Variants in FILIP1L observed in about 807,000 individuals in gnomAD.
The protein encoded by FILIP1L is filamin A-interacting protein 1-like.
Under a neutral mutation model 96.6 loss-of-function variants are expected in FILIP1L, and 55 were observed. The observed-to-expected ratio is 0.57, with a 90% CI of 0.46 to 0.71. The LOEUF (loss-of-function observed/expected upper bound fraction) is 0.71. FILIP1L is among the 30% of genes least tolerant of loss of function. The pLI is 0.00. For synonymous variants in FILIP1L, 467 were observed against 473.9 expected (o/e 0.99, Z 0.19); for missense variants, 1,304 against 1,321.2 (o/e 0.99, Z 0.20).
chr3:99,874,965 A>G (rs1326416471), intron 4 of FILIP1L, among the ~76,000 whole-genome samples: 1 of 152,214 alleles, frequency 6.6e-6, no homozygotes, highest in East Asian at 1.9e-4. Context: ...GAGTAAATAT[A>G]AATGGCAGCC....
chr3:99,971,339 A>AC (rs989122242), intron 1 of FILIP1L, among the ~76,000 whole-genome samples: 27 of 151,878 alleles, frequency 1.8e-4, no homozygotes, highest in African/African-American at 6.3e-4. Context: ...ATCTCAAAAA[A>AC]AAAAAAAAAA....
chr3:99,846,630 A>G (rs1477373443), intron 5 of FILIP1L, among the ~76,000 whole-genome samples: 1 of 152,216 alleles, frequency 6.6e-6, no homozygotes, highest in East Asian at 1.9e-4. Flanking sequence ...ATCCAAATTT[A>G]TTTAATGATG....
chr3:99,893,907 A>G (rs562376816), intron 4 of FILIP1L, among the ~76,000 whole-genome samples: 7 of 152,272 alleles, frequency 4.6e-5, no homozygotes, highest in South Asian at 4.1e-4. Flanking sequence ...CAAATCCACA[A>G]ATATTTCTGT....
chr3:99,937,075 T>A (rs187988918), intron 1 of FILIP1L, among the ~76,000 whole-genome samples: 1 of 152,092 alleles, frequency 6.6e-6, no homozygotes, highest in Admixed American at 6.5e-5. Flanking sequence ...GTAGCTGGGA[T>A]TACAGGCGCC....
intron 1 of FILIP1L, among the ~76,000 whole-genome samples, chr3:100,070,435 TGAATA>T (rs2065741642): frequency 8.9e-6 from 1 of 112,718 alleles, no homozygotes; most frequent in Non-Finnish European, 2.0e-5. Flanking sequence ...ACTTAGGACT[TGAATA>T]TTAAATAATG....
At chr3:99,956,641 C>A (rs1708328321) in intron 1 of FILIP1L, among the ~76,000 whole-genome samples, 1 of 152,242 alleles carries the variant, frequency 6.6e-6, no homozygotes, top group Non-Finnish European at 1.5e-5. Flanking sequence ...GCCCCCGCGC[C>A]CAGCCACCTC....
At chr3:100,112,446 A>G (rs1435976367) in intron 1 of FILIP1L, among the ~76,000 whole-genome samples, 1 of 152,224 alleles carries the variant, frequency 6.6e-6, no homozygotes, top group Non-Finnish European at 1.5e-5. Context: ...ACAATAAAAT[A>G]TCTTCATTTC....
intron 1 of FILIP1L, among the ~76,000 whole-genome samples, chr3:99,963,586 A>G (rs930949785): frequency 1.3e-5 from 2 of 152,114 alleles, no homozygotes; most frequent in East Asian, 1.9e-4. Flanking sequence ...CTTTGCCTTG[A>G]TGGTGTTACC....
chr3:100,021,960 T>TGAGAGAGA (rs61630053), intron 1 of FILIP1L, among the ~76,000 whole-genome samples: 139 of 93,302 alleles, frequency 1.5e-3, no homozygotes, highest in African/African-American at 2.9e-3. Context: ...TGTGTGTGTG[T>TGAGAGAGA]GAGAGAGAGA....
At chr3:99,907,106 A>G (rs181399886) in intron 4 of FILIP1L, among the ~76,000 whole-genome samples, 1 of 152,362 alleles carries the variant, frequency 6.6e-6, no homozygotes. Context: ...CAACAAATAC[A>G]CAGAGTTGGT....
At position 99,849,224 on chromosome 3, in the gene FILIP1L, G is replaced by C. The variant is rs867405537; in HGVS notation, c.2452C>G (p.Leu818Val). The C allele has an allele frequency of 6.2e-7, 1 of 1,614,150 alleles. No homozygotes were observed. Among genetic ancestry groups the C allele is most frequent in the South Asian group, 1.1e-5 (1 of 91,086 alleles). Residue 818 changes from leucine to valine, a missense_variant, in exon 5 of 6, where the codon CTG (leucine) becomes GTG (valine). Transcript: ENST00000477258. Reference sequence around the variant, plus strand: ...TGACCATTGATGACTGCACGTTCCAGAGGAATGAGGCTCTTGTAATCAGGT... The same window carrying C: ...TGACCATTGATGACTGCACGTTCCACAGGAATGAGGCTCTTGTAATCAGGT... ...EPPDYKSLIP[L>V]ERAVINGQLY... is the part of the protein sequence containing the mutation.
intron 4 of FILIP1L, among the ~76,000 whole-genome samples, chr3:99,854,301 G>T (rs1190399890): frequency 6.6e-6 from 1 of 152,110 alleles, no homozygotes; most frequent in African/African-American, 2.4e-5. Flanking sequence ...ATTTAGCATT[G>T]ATACTTGCAT....
intron 1 of FILIP1L, among the ~76,000 whole-genome samples, chr3:99,975,465 G>A (rs545747927): frequency 1.3e-4 from 19 of 151,972 alleles, no homozygotes; most frequent in African/African-American, 2.7e-4. Flanking sequence ...GGTGGCGGGC[G>A]CCTGTAATCC....
rs1409539298 is a variant in FILIP1L at position 99,828,900 on chromosome 3, C to G, written c.*1514G>C. On this transcript the variant is annotated 3_prime_UTR_variant, in exon 6 of 6. Transcript: ENST00000477258. ...GCCTGCTGGGACTGCTGCCCATCAT[C>G]CCTCTCAATGCTGCCTATCATCCCT... Among the ~76,000 whole-genome samples, 1 of 152,094 alleles carries G rather than the reference C, an allele frequency of 6.6e-6. No homozygotes were observed. The highest frequency in any genetic ancestry group is 6.6e-5 in the Admixed American group (1 of 15,256).
chr3:100,081,723 A>G (rs1382188626), intron 1 of FILIP1L, among the ~76,000 whole-genome samples: 2 of 152,214 alleles, frequency 1.3e-5, no homozygotes, highest in Non-Finnish European at 2.9e-5. Context: ...AAATGTTACA[A>G]TGATACATCA....
intron 1 of FILIP1L, among the ~76,000 whole-genome samples, chr3:100,017,059 T>C (rs1710365702): frequency 6.6e-6 from 1 of 152,260 alleles, no homozygotes; most frequent in East Asian, 1.9e-4. Flanking sequence ...CACATGTGTG[T>C]ATAATTCTTC....
At chr3:99,951,371 C>G (rs1036540130) in intron 1 of FILIP1L, among the ~76,000 whole-genome samples, 2 of 152,074 alleles carry the variant, frequency 1.3e-5, no homozygotes, top group African/African-American at 4.8e-5. Flanking sequence ...CCTGTGGGTA[C>G]AGGACGTGGT....
intron 4 of FILIP1L, among the ~76,000 whole-genome samples, chr3:99,863,211 C>T (rs1944346896): frequency 1.3e-5 from 2 of 152,302 alleles, no homozygotes; most frequent in Admixed American, 6.5e-5. Flanking sequence ...AACCTAGATC[C>T]CTCACCTGCA....
At chr3:100,107,426 T>C (rs957319345) in intron 1 of FILIP1L, among the ~76,000 whole-genome samples, 4 of 152,176 alleles carry the variant, frequency 2.6e-5, no homozygotes, top group Admixed American at 2.6e-4. Context: ...CTGAACACTT[T>C]GTTTACTTTG....
Sources: allele counts gnomAD v4.1 joint callset (sites outside exome capture counted in the v4.1 genomes callset), GRCh38; gene constraint gnomAD v4.1.1; transcripts MANE v1.5; gene names NCBI Gene and HGNC (gene_info 2026-07-23, HGNC 2026-07-21).